XKR4: variants seen among roughly 807,000 people sequenced by gnomAD.
XKR4 encodes XK-related protein 4.
XKR4 carries 12 observed loss-of-function variants against 53.9 expected under a neutral mutation model. The ratio of observed to expected loss-of-function variants is 0.22; its 90% CI spans 0.14 to 0.36. The LOEUF (loss-of-function observed/expected upper bound fraction) is 0.36, where lower values mean the gene tolerates loss of function less well. Ranked by LOEUF, XKR4 falls within the 10% of genes least tolerant of loss-of-function variation. XKR4 has a pLI of 1.00. For synonymous variants in XKR4, 354 were observed against 362.4 expected (o/e 0.98, Z 0.26); for missense variants, 799 against 859.5 (o/e 0.93, Z 0.88).
At chr8:55,130,010 G>A (rs1278759418) in intron 1 of XKR4, among the ~76,000 whole-genome samples, 1 of 152,100 alleles carries the variant, frequency 6.6e-6, no homozygotes, top group African/African-American at 2.4e-5. Context: ...GGAGGTGTGG[G>A]GTGTGGGTAG....
chr8:55,144,920 C>A lies in XKR4; in HGVS notation c.806+41626C>A, dbSNP rs554657937. On this transcript the variant is annotated intron_variant, in intron 1 of 2. Transcript: ENST00000327381. ...AATCTTGGCTCACTGCAACCACCAC[C>A]TCCAGGGTTCAAGCGATTCTCCTGC... is the stretch of plus-strand genomic sequence containing the variant. Among the ~76,000 whole-genome samples, 27 of 151,984 alleles carry A rather than the reference C, an allele frequency of 1.8e-4. 1 individual carries two copies. The highest frequency in any genetic ancestry group is 6.3e-4 in the African/African-American group (26 of 41,434).
At chr8:55,175,393 T>G (rs1817215267) in intron 1 of XKR4, among the ~76,000 whole-genome samples, 1 of 152,222 alleles carries the variant, frequency 6.6e-6, no homozygotes, top group African/African-American at 2.4e-5. Context: ...AATATAAACT[T>G]CAGCTTCCAA....
At chr8:55,309,598 A>C (rs945817706) in intron 1 of XKR4, among the ~76,000 whole-genome samples, 2 of 152,234 alleles carry the variant, frequency 1.3e-5, no homozygotes, top group African/African-American at 4.8e-5. Flanking sequence ...GAGAAATATA[A>C]GTAAGATTGG....
chr8:55,279,830 G>A (rs1818813431), intron 1 of XKR4, among the ~76,000 whole-genome samples: 1 of 152,176 alleles, frequency 6.6e-6, no homozygotes, highest in Non-Finnish European at 1.5e-5. Flanking sequence ...GACCAGCAGA[G>A]ATGACTAGGT....
intron 2 of XKR4, among the ~76,000 whole-genome samples, chr8:55,471,023 G>A (rs151188589): frequency 3.9e-5 from 6 of 152,074 alleles, no homozygotes; most frequent in African/African-American, 1.2e-4. Flanking sequence ...GTCCTGGAAA[G>A]GTCTGGCAAC....
At position 55,319,058 on chromosome 8, in the gene XKR4, A is replaced by T. The variant is rs150470682; in HGVS notation, c.807-38620A>T. Among the ~76,000 whole-genome samples the T allele has an allele frequency of 5.0e-3, 756 of 152,318 alleles. 6 individuals are homozygous for T. Among genetic ancestry groups the T allele is most frequent in the African/African-American group, 0.017 (712 of 41,568 alleles). On this transcript the variant is annotated intron_variant, in intron 1 of 2. Transcript: ENST00000327381. ...TTGTTCATTTTCTTCTCTTTGTGGCAGCTTGTTCTCTCTGCAACTAATTTT... is the reference window on the plus strand; with the variant it reads ...TTGTTCATTTTCTTCTCTTTGTGGCTGCTTGTTCTCTCTGCAACTAATTTT...
chr8:55,520,266 T>G (rs1003539435), intron 2 of XKR4, among the ~76,000 whole-genome samples: 5 of 152,252 alleles, frequency 3.3e-5, no homozygotes, highest in Non-Finnish European at 5.9e-5. Context: ...AAAAATCAAT[T>G]GTTAAACAGA....
chr8:55,369,539 G>A (rs972404364), intron 2 of XKR4, among the ~76,000 whole-genome samples: 1 of 121,230 alleles, frequency 8.2e-6, no homozygotes, highest in African/African-American at 3.1e-5. Flanking sequence ...GAAGGAGAAA[G>A]AGAGAGAGAA....
chr8:55,471,997 A>G lies in XKR4; in HGVS notation c.1007-51284A>G, dbSNP rs549386065. On this transcript the variant is annotated intron_variant, in intron 2 of 2. Coordinates refer to ENST00000327381, the MANE Select transcript of XKR4 (RefSeq NM_052898.2). ...GATAGCAATGAGAGAACAGACACAAACACAGTGGTGCATACAGGAGAATAA... is the reference window on the plus strand; with the variant it reads ...GATAGCAATGAGAGAACAGACACAAGCACAGTGGTGCATACAGGAGAATAA... Among the ~76,000 whole-genome samples the G allele has an allele frequency of 7.2e-5, 11 of 152,276 alleles. No individual in the cohort carries two copies. The East Asian group carries it at 1.7e-3, about 24-fold the overall frequency.
chr8:55,346,525 T>C (rs1803643534), intron 1 of XKR4, among the ~76,000 whole-genome samples: 1 of 152,224 alleles, frequency 6.6e-6, no homozygotes, highest in African/African-American at 2.4e-5. Context: ...TAAGTTATTG[T>C]TACTATTATT....
chr8:55,369,330 C>G (rs1804035899), intron 2 of XKR4, among the ~76,000 whole-genome samples: 1 of 131,902 alleles, frequency 7.6e-6, no homozygotes, highest in Admixed American at 8.7e-5. Flanking sequence ...GCCTAGGGCA[C>G]AAGCATGATG....
chr8:55,118,189 TA>T (rs1816336079), intron 1 of XKR4, among the ~76,000 whole-genome samples: 1 of 152,234 alleles, frequency 6.6e-6, no homozygotes, highest in Non-Finnish European at 1.5e-5. Flanking sequence ...CAGTTTTATC[TA>T]AAATGTGTCA....
At position 55,541,390 on chromosome 8, in the gene XKR4, A is replaced by T. The variant is rs1479582050; in HGVS notation, c.*17163A>T. The stretch of plus-strand genomic sequence containing the variant: ...CATTTTGTGCTCCTTTCCCTGTTCA[A>T]TTTTTTTGTTTTGTTTTAAATCTAT... On this transcript the variant is annotated 3_prime_UTR_variant, in exon 3 of 3. Coordinates refer to ENST00000327381, the MANE Select transcript of XKR4 (RefSeq NM_052898.2). 2 of 151,774 alleles carry T rather than the reference A, an allele frequency of 1.3e-5. No individual in the cohort carries two copies. Among genetic ancestry groups the T allele is most frequent in the African/African-American group, 4.8e-5 (2 of 41,278 alleles). The allele number at this position is 151,774 out of a possible 1,614,324, so 9.4% of individuals were successfully genotyped here. A position where few individuals can be genotyped will look rare whatever the true frequency, so the allele number is the denominator to read the frequency against.
chr8:55,375,701 C>A (rs1413958165), intron 2 of XKR4, among the ~76,000 whole-genome samples: 3 of 140,970 alleles, frequency 2.1e-5, no homozygotes, highest in South Asian at 4.7e-4. Context: ...AAATAAGATA[C>A]ATTTTCTTCT....
intron 1 of XKR4, among the ~76,000 whole-genome samples, chr8:55,256,347 A>T (rs901470285): frequency 6.6e-6 from 1 of 152,212 alleles, no homozygotes; most frequent in Non-Finnish European, 1.5e-5. Context: ...ATTTTGTATG[A>T]ATCCCCTTGG....
At chr8:55,386,297 T>C (rs919062217) in intron 2 of XKR4, among the ~76,000 whole-genome samples, 1 of 152,154 alleles carries the variant, frequency 6.6e-6, no homozygotes, top group Non-Finnish European at 1.5e-5. Context: ...ATGCATGATA[T>C]CCACACGGGA....
At chr8:55,450,959 G>T in intron 2 of XKR4, 1 of 505,514 alleles carries the variant, frequency 2.0e-6, no homozygotes, top group Non-Finnish European at 3.7e-6. Flanking sequence ...AGGAGACTAG[G>T]CTGGGCTCAG....
chr8:55,378,496 G>A (rs1394454046), intron 2 of XKR4, among the ~76,000 whole-genome samples: 3 of 152,190 alleles, frequency 2.0e-5, no homozygotes, highest in Non-Finnish European at 4.4e-5. Flanking sequence ...GAGGTAGCTT[G>A]CTATGGAGAA....
chr8:55,539,658 G>C lies in XKR4; in HGVS notation c.*15431G>C, dbSNP rs939771612. 1 of 152,132 alleles carries C rather than the reference G, an allele frequency of 6.6e-6. No individual in the cohort carries two copies. Among genetic ancestry groups the C allele is most frequent in the African/African-American group, 2.4e-5 (1 of 41,410 alleles). The allele number at this position is 152,132 out of a possible 1,614,324, so 9.4% of individuals were successfully genotyped here. On this transcript the variant is annotated 3_prime_UTR_variant, in exon 3 of 3. Transcript: ENST00000327381. ...CTAATACTATGAGAATAGTAAGTGA[G>C]TCAAAAAATAATTGGGACTGTCCTT...
Sources: gnomAD v4.1 joint callset for allele counts (sites outside exome capture counted in the v4.1 genomes callset) on GRCh38, gnomAD v4.1.1 for gene constraint, MANE v1.5 for transcripts, NCBI Gene and HGNC (gene_info 2026-07-23, HGNC 2026-07-21) for gene names.